The following LCOR variants were observed in gnomAD, a reference collection of about 807,000 sequenced individuals.
LCOR encodes ligand dependent nuclear receptor corepressor, also known as ligand-dependent corepressor.
Under a neutral mutation model 64.4 loss-of-function variants are expected in LCOR, and 14 were observed. That is an observed-to-expected ratio of 0.22 (90% CI 0.14 to 0.34). The LOEUF (loss-of-function observed/expected upper bound fraction) is 0.34, where lower values mean the gene tolerates loss of function less well. LCOR is among the 10% of genes least tolerant of loss of function. LCOR has a pLI of 1.00. For missense variants in LCOR, 1,686 were observed against 1,765.3 expected, an observed-to-expected ratio of 0.96 and a Z score of 0.80; for synonymous variants, 643 against 642.5, an observed-to-expected ratio of 1.00 and a Z score of -0.01.
At chr10:96,855,584 A>G (rs113744992) in intron 2 of LCOR, among the ~76,000 whole-genome samples, 22,039 of 151,358 alleles carry the variant, frequency 0.15, 2,246 homozygotes, top group African/African-American at 0.28. Context: ...ACAGGCGCCC[A>G]CCACCATACT....
chr10:96,844,677 T>G (rs1845597069), intron 2 of LCOR, among the ~76,000 whole-genome samples: 2 of 152,200 alleles, frequency 1.3e-5, no homozygotes, highest in African/African-American at 4.8e-5. Flanking sequence ...TTAATTTTCC[T>G]TCTTATCTTG....
intron 4 of LCOR, among the ~76,000 whole-genome samples, chr10:96,912,889 ATGT>A (rs1056305260): frequency 1.3e-5 from 2 of 149,138 alleles, no homozygotes; most frequent in African/African-American, 5.2e-5. Flanking sequence ...TTTTCTCCCT[ATGT>A]TGTTGTTTTA....
chr10:96,889,545 T>C (rs1846404167), intron 2 of LCOR, among the ~76,000 whole-genome samples: 1 of 152,240 alleles, frequency 6.6e-6, no homozygotes, highest in East Asian at 1.9e-4. Context: ...ATCTCGAGCG[T>C]GTGTGCACCT....
intron 6 of LCOR, among the ~76,000 whole-genome samples, chr10:96,951,644 A>G (rs1847681151): frequency 6.6e-6 from 1 of 152,096 alleles, no homozygotes; most frequent in East Asian, 1.9e-4. Flanking sequence ...AAAGTTTTCT[A>G]TATCGAATTT....
At position 96,985,282 on chromosome 10, in the gene LCOR, C is replaced by T; in HGVS notation, c.*148C>T. 2.0e-6 allele frequency: 2 copies of T among 996,050 alleles called. No homozygotes were observed. The highest frequency in any genetic ancestry group is 2.8e-6 in the Non-Finnish European group (2 of 718,936). 61.7% of individuals were successfully genotyped at this position (996,050 alleles called of 1,614,324 possible). On this transcript the variant is annotated 3_prime_UTR_variant, in exon 8 of 8. Transcript: ENST00000421806. ...TAATTTGAGATGTCAGAAAATGCATCTCAGATGGAGAAGGGAACTTGCAGA... is the reference window on the plus strand; with the variant it reads ...TAATTTGAGATGTCAGAAAATGCATTTCAGATGGAGAAGGGAACTTGCAGA...
At chr10:96,978,351 A>G (rs1197049976) in intron 7 of LCOR, among the ~76,000 whole-genome samples, 2 of 152,228 alleles carry the variant, frequency 1.3e-5, no homozygotes, top group South Asian at 2.1e-4. Context: ...CTTATTCCAT[A>G]TGCTGCCTTT....
intron 7 of LCOR, among the ~76,000 whole-genome samples, chr10:96,968,367 C>T (rs7082112): frequency 0.051 from 7,741 of 152,226 alleles, 674 homozygotes; most frequent in African/African-American, 0.17. Flanking sequence ...AGGGATTGTA[C>T]ATACTAATAA....
chr10:96,848,409 A>G (rs987824337), intron 2 of LCOR, among the ~76,000 whole-genome samples: 1 of 152,172 alleles, frequency 6.6e-6, no homozygotes, highest in South Asian at 2.1e-4. Flanking sequence ...TGTAATCCCA[A>G]CACTTTGGGA....
In LCOR at chr10:96,982,043, A is replaced by G. The variant is rs776461849; in HGVS notation, c.1583A>G (p.Lys528Arg). 4 of 1,614,116 alleles carry G rather than the reference A, an allele frequency of 2.5e-6. No homozygotes were observed. Among genetic ancestry groups the G allele is most frequent in the Non-Finnish European group, 3.4e-6 (4 of 1,180,020 alleles). Residue 528 changes from lysine to arginine, a missense_variant, in exon 8 of 8, where the codon AAA becomes AGA. Lys to Arg is a conservative substitution (Grantham distance 26). Transcript: ENST00000421806. The stretch of plus-strand genomic sequence containing the variant: ...GCCAGAAATTTACACTCCCAGGAAA[A>G]AGCAAGCTGCTCAGCATTGGCATCA... ...TLARNLHSQE[K>R]ASCSALASEA...
intron 2 of LCOR, among the ~76,000 whole-genome samples, chr10:96,879,646 C>A (rs777083490): frequency 1.3e-5 from 2 of 152,060 alleles, no homozygotes; most frequent in Admixed American, 6.6e-5. Flanking sequence ...ATTAATACTG[C>A]ATCTTTTTGT....
intron 3 of LCOR, among the ~76,000 whole-genome samples, 156 bp downstream of exon 3, chr10:96,907,486 T>C (rs190852508): frequency 6.6e-6 from 1 of 152,324 alleles, no homozygotes; most frequent in Admixed American, 6.5e-5. Context: ...ATTGTTAATA[T>C]ATGTATGAAT....
At chr10:96,958,311 CT>C in intron 7 of LCOR, 2 of 1,516,704 alleles carry the variant, frequency 1.3e-6, no homozygotes, top group Non-Finnish European at 1.8e-6. Flanking sequence ...ATGTGGTAGT[CT>C]ATATAAGTGA....
intron 2 of LCOR, among the ~76,000 whole-genome samples, chr10:96,895,149 A>G (rs1193077358): frequency 1.8e-4 from 27 of 152,202 alleles, no homozygotes; most frequent in Admixed American, 1.7e-3. Context: ...TTTAACTTCA[A>G]AGTCACCTAT....
chr10:96,905,988 G>A (rs1846720270), intron 2 of LCOR, among the ~76,000 whole-genome samples: 1 of 152,052 alleles, frequency 6.6e-6, no homozygotes, highest in Non-Finnish European at 1.5e-5. Context: ...ATTTTCAGAG[G>A]CCATCATTTC....
intron 4 of LCOR, among the ~76,000 whole-genome samples, chr10:96,914,449 G>A (rs553852409): frequency 1.2e-4 from 19 of 152,170 alleles, no homozygotes; most frequent in Non-Finnish European, 2.2e-4. Context: ...CGCCTGCCTC[G>A]GCCTCCCAAA....
intron 2 of LCOR, among the ~76,000 whole-genome samples, chr10:96,854,812 C>T (rs529221913): frequency 1.1e-4 from 17 of 152,284 alleles, no homozygotes; most frequent in South Asian, 2.1e-4. Context: ...TTTCTGACTT[C>T]AGAGTGTAAT....
chr10:96,876,593 C>A (rs1846167927), intron 2 of LCOR, among the ~76,000 whole-genome samples: 1 of 152,120 alleles, frequency 6.6e-6, no homozygotes, highest in Non-Finnish European at 1.5e-5. Flanking sequence ...TTAGAATGAA[C>A]TCTTAATATT....
intron 2 of LCOR, among the ~76,000 whole-genome samples, chr10:96,886,060 T>C (rs2134425352): frequency 6.6e-6 from 1 of 152,288 alleles, no homozygotes; most frequent in East Asian, 1.9e-4. Context: ...TTATTTCTAG[T>C]AGAGACGAGG....
At chr10:96,871,093 G>A (rs1280282361) in intron 2 of LCOR, among the ~76,000 whole-genome samples, 3 of 152,138 alleles carry the variant, frequency 2.0e-5, no homozygotes, top group Non-Finnish European at 2.9e-5. Context: ...ATCTTGCTCT[G>A]TTGTCCAGGC....
Sources: allele counts gnomAD v4.1 joint callset (sites outside exome capture counted in the v4.1 genomes callset), GRCh38; gene constraint gnomAD v4.1.1; transcripts MANE v1.5; gene names NCBI Gene and HGNC (gene_info 2026-07-23, HGNC 2026-07-21).